Variants in CPNE4 observed in about 807,000 individuals in gnomAD.
CPNE4 encodes the protein copine 4.
Under a neutral mutation model 67.9 loss-of-function variants are expected in CPNE4, and 25 were observed. The observed-to-expected ratio is 0.37, with a 90% CI of 0.27 to 0.51. The LOEUF (loss-of-function observed/expected upper bound fraction) is 0.51. CPNE4 is among the 20% of genes least tolerant of loss of function. The pLI, the probability that CPNE4 is intolerant of heterozygous loss-of-function variation, is 0.93. For missense variants in CPNE4, 464 were observed against 690.8 expected (o/e 0.67, Z 3.68); for synonymous variants, 242 against 244.9 (o/e 0.99, Z 0.11).
intron 10 of CPNE4, among the ~76,000 whole-genome samples, chr3:131,571,346 C>T (rs1450274324): frequency 6.6e-6 from 1 of 151,952 alleles, no homozygotes; most frequent in East Asian, 1.9e-4. Context: ...TCTCTTGGGA[C>T]ATCTCATCCA....
intron 7 of CPNE4, among the ~76,000 whole-genome samples, chr3:131,640,822 T>C (rs552619705): frequency 7.9e-5 from 12 of 152,172 alleles, no homozygotes; most frequent in Non-Finnish European, 1.3e-4. Context: ...AATAGGCACA[T>C]AGACACATGG....
intron 3 of CPNE4, among the ~76,000 whole-genome samples, chr3:131,709,688 G>A (rs1000655258): frequency 6.6e-6 from 1 of 152,236 alleles, no homozygotes; most frequent in African/African-American, 2.4e-5. Context: ...GTTACTTCAA[G>A]GTTCAAATGC....
chr3:131,630,151 CA>C (rs2079184018), intron 7 of CPNE4, among the ~76,000 whole-genome samples: 1 of 152,202 alleles, frequency 6.6e-6, no homozygotes, highest in Non-Finnish European at 1.5e-5. Flanking sequence ...CGCTGTCCTG[CA>C]ACACAGGATA....
At chr3:131,927,945 C>T (rs1225045) in intron 1 of CPNE4, among the ~76,000 whole-genome samples, 65,424 of 151,924 alleles carry the variant, frequency 0.43, 14,264 homozygotes, top group Non-Finnish European at 0.45. Flanking sequence ...ATATGAAAAC[C>T]GCTAAAGAAA....
chr3:132,002,308 G>C (rs1435510285), intron 1 of CPNE4, among the ~76,000 whole-genome samples: 4 of 152,128 alleles, frequency 2.6e-5, no homozygotes, highest in Non-Finnish European at 5.9e-5. Flanking sequence ...AAGAAGAAAA[G>C]GCCAGTGACA....
At position 131,942,447 on chromosome 3, in the gene CPNE4, TGTGTGTGTGTGTGTGTGAGAGAGAGA is replaced by T. The variant is rs1470307718; in HGVS notation, c.-1-37029_-1-37004del. 2.8e-4 allele frequency among the ~76,000 whole-genome samples: 17 copies of T among 61,258 alleles called. No homozygotes were observed. In the East Asian group the frequency reaches 6.1e-3, roughly 22 times the overall value. 40.2% of individuals were successfully genotyped at this position (61,258 alleles called of 152,430 possible). ...GTGTGTGTGTGTGTGTGTGTGTGTGTGTGTGTGTGTGTGTGTGAGAGAGAGAGAGAGAGAGAGAGAGAGAGAGAGAG... is the reference window on the plus strand; with the variant it reads ...GTGTGTGTGTGTGTGTGTGTGTGTGTGAGAGAGAGAGAGAGAGAGAGAGAG... On this transcript the variant is annotated intron_variant, in intron 1 of 15. Transcript: ENST00000429747.
intron 7 of CPNE4, among the ~76,000 whole-genome samples, chr3:131,650,735 A>T (rs1371892764): frequency 8.9e-6 from 1 of 112,460 alleles, no homozygotes; most frequent in South Asian, 3.3e-4. Context: ...ACAGAGCAAG[A>T]CTCCGTCTCA....
intron 2 of CPNE4, among the ~76,000 whole-genome samples, chr3:131,829,660 C>G (rs1295637296): frequency 3.3e-5 from 5 of 152,278 alleles, no homozygotes; most frequent in African/African-American, 4.8e-5. Flanking sequence ...AATCAAGGAG[C>G]AAAGACCCCA....
chr3:131,549,329 G>A (rs564421605), intron 14 of CPNE4, among the ~76,000 whole-genome samples: 7 of 151,850 alleles, frequency 4.6e-5, no homozygotes, highest in African/African-American at 1.7e-4. Flanking sequence ...CACTAAATCT[G>A]GAAAAAATCA....
intron 1 of CPNE4, among the ~76,000 whole-genome samples, chr3:131,997,031 C>T (rs1345316231): frequency 1.3e-5 from 2 of 151,960 alleles, no homozygotes; most frequent in African/African-American, 2.4e-5. Flanking sequence ...TAAATGCTAG[C>T]ACTTGCATTA....
intron 7 of CPNE4, among the ~76,000 whole-genome samples, chr3:131,629,683 C>T (rs2107775248): frequency 6.6e-6 from 1 of 152,192 alleles, no homozygotes; most frequent in African/African-American, 2.4e-5. Flanking sequence ...GGCCTCAAGT[C>T]ATCTGACTGC....
At chr3:131,694,906 C>A (rs114112187) in intron 5 of CPNE4, among the ~76,000 whole-genome samples, 3 of 152,148 alleles carry the variant, frequency 2.0e-5, no homozygotes, top group Non-Finnish European at 4.4e-5. Flanking sequence ...TTAGCTATAA[C>A]GGAATAGTTC....
intron 7 of CPNE4, among the ~76,000 whole-genome samples, chr3:131,656,949 A>G (rs1443704662): frequency 6.6e-6 from 1 of 152,132 alleles, no homozygotes; most frequent in Admixed American, 6.5e-5. Context: ...AGAAATGTGA[A>G]CTCAGGAGCT....
chr3:131,781,783 A>T (rs2083437431), intron 2 of CPNE4, among the ~76,000 whole-genome samples: 3 of 152,124 alleles, frequency 2.0e-5, no homozygotes, highest in African/African-American at 7.2e-5. Flanking sequence ...GCCCTGTCAG[A>T]TACTAATGAC....
intron 2 of CPNE4, among the ~76,000 whole-genome samples, chr3:131,806,590 A>G (rs1416380071): frequency 1.3e-5 from 2 of 151,904 alleles, no homozygotes; most frequent in Non-Finnish European, 2.9e-5. Context: ...CAATTTTTAT[A>G]GTTGTCAGCC....
At chr3:131,666,164 A>C (rs2080256242) in intron 7 of CPNE4, among the ~76,000 whole-genome samples, 1 of 152,198 alleles carries the variant, frequency 6.6e-6, no homozygotes, top group Admixed American at 6.5e-5. Context: ...AAATGAAGGT[A>C]AAAGGTAGAA....
chr3:131,671,461 G>A (rs972320738), intron 6 of CPNE4, among the ~76,000 whole-genome samples: 2 of 16,432 alleles, frequency 1.2e-4, no homozygotes, highest in Non-Finnish European at 5.5e-4. Context: ...GTGTACACAT[G>A]TGTGTGTGTG....
intron 1 of CPNE4, among the ~76,000 whole-genome samples, chr3:131,969,635 C>T (rs1263150980): frequency 6.6e-6 from 1 of 152,074 alleles, no homozygotes; most frequent in Non-Finnish European, 1.5e-5. Context: ...GGTAACTTAC[C>T]AACCATCTTG....
intron 4 of CPNE4, among the ~76,000 whole-genome samples, chr3:131,697,603 C>T (rs1429110371): frequency 6.6e-6 from 1 of 152,226 alleles, no homozygotes; most frequent in Non-Finnish European, 1.5e-5. Flanking sequence ...GACAGATAGA[C>T]CCAAAAATGT....
Sources: gnomAD v4.1 joint callset for allele counts (sites outside exome capture counted in the v4.1 genomes callset) on GRCh38, gnomAD v4.1.1 for gene constraint, MANE v1.5 for transcripts, NCBI Gene and HGNC (gene_info 2026-07-23, HGNC 2026-07-21) for gene names.